Variants in ABCC5 observed in about 807,000 individuals in gnomAD.
ABCC5 encodes the protein ATP-binding cassette sub-family C member 5.
Under a neutral mutation model 160.9 loss-of-function variants are expected in ABCC5, and 61 were observed. The ratio of observed to expected loss-of-function variants is 0.38; its 90% confidence interval spans 0.31 to 0.47. The LOEUF (loss-of-function observed/expected upper bound fraction) is 0.47, where lower values mean the gene tolerates loss of function less well. Among genes scored for constraint, ABCC5 ranks in the 20% least tolerant of loss-of-function variants. The pLI, the probability that ABCC5 is intolerant of heterozygous loss-of-function variation, is 0.99. For synonymous variants in ABCC5, 666 were observed against 700.6 expected (o/e 0.95, Z 0.78); for missense variants, 1,308 against 1,813.3 (o/e 0.72, Z 5.06).
intron 2 of ABCC5, among the ~76,000 whole-genome samples, chr3:183,998,724 AC>A (rs2108891967): frequency 1.3e-5 from 2 of 152,310 alleles, no homozygotes; most frequent in South Asian, 4.1e-4. Context: ...CCATAACTGT[AC>A]AAAATGATCC....
Position 183,951,988 on chromosome 3 carries a change from G to A in ABCC5, c.2683C>T (p.Arg895Ter). The A allele has an allele frequency of 6.2e-7, 1 of 1,611,682 alleles. No individual in the cohort carries two copies. The highest frequency in any genetic ancestry group is 8.5e-7 in the Non-Finnish European group (1 of 1,178,246). The change falls in exon 19 of 30, where the codon CGA (arginine) becomes TGA (stop). Residue 895 changes from arginine (R) to a stop codon, truncating the protein, a stop_gained. Coordinates refer to ENST00000334444, the MANE Select transcript of ABCC5 (RefSeq NM_005688.4). LOFTEE classifies it high-confidence loss of function. This position sits in a 1 kb window ranked among gnomAD's most constrained non-coding sequence, Gnocchi z 4.7. ...KQGSGNTTVT[R>*]GNETSVSDSM... The stretch of plus-strand genomic sequence containing the variant: ...TCACTCACCGAGGTCTCGTTCCCTC[G>A]AGTCACAGTGGTGTTCTGTTTGAAG...
At chr3:183,960,235 T>C (rs1025666233) in intron 16 of ABCC5, among the ~76,000 whole-genome samples, 4 of 152,220 alleles carry the variant, frequency 2.6e-5, no homozygotes, top group African/African-American at 4.8e-5. Flanking sequence ...CCTGGTTCTG[T>C]AGGACCTCCA....
intron 2 of ABCC5, among the ~76,000 whole-genome samples, chr3:183,995,435 C>T (rs530488837): frequency 1.3e-4 from 20 of 152,116 alleles, no homozygotes; most frequent in Non-Finnish European, 2.4e-4. Context: ...ATATTTAAAT[C>T]TATGGTTCAT....
intron 28 of ABCC5, 28 bp from the exon 29 acceptor site, chr3:183,925,747 C>T (rs753788330): frequency 1.9e-6 from 3 of 1,603,504 alleles, no homozygotes; most frequent in Admixed American, 1.8e-5. Context: ...GAGAAAGAAA[C>T]TCGATTAAAT....
chr3:183,985,799 C>A, intron 5 of ABCC5: 1 of 221,588 alleles, frequency 4.5e-6, no homozygotes, highest in Non-Finnish European at 9.2e-6. Context: ...TCCCCACCGG[C>A]GTCACCAAAA....
At position 183,953,188 on chromosome 3, in the gene ABCC5, G is replaced by GCCC; in HGVS notation, c.2562_2564dup (p.Gly855dup). 1 of 1,614,082 alleles carries GCCC rather than the reference G, an allele frequency of 6.2e-7. No individual in the cohort carries two copies. Among genetic ancestry groups the GCCC allele is most frequent in the Non-Finnish European group, 8.5e-7 (1 of 1,179,998 alleles). ...CCATAATAACCAGGAATGCCAAGGGGCCCCCAGCAGCCTGGATGTAGACAC... is the reference window on the plus strand; with the variant it reads ...CCATAATAACCAGGAATGCCAAGGGGCCCCCCCCAGCAGCCTGGATGTAGACAC... On this transcript the variant is annotated inframe_insertion, in exon 18 of 30. Transcript: ENST00000334444.
rs116057741 is a variant in ABCC5 at position 183,970,125 on chromosome 3, C to T, written c.1761+1438G>A. ...TGCTGTGAATCCTCCAAAGGCTCCT[C>T]TTCCCACTTGGAGTAAAGCTGAAGT... On this transcript the variant is annotated intron_variant, in intron 11 of 29. Transcript: ENST00000334444. Among the ~76,000 whole-genome samples, 728 of 152,306 alleles carry T rather than the reference C, an allele frequency of 4.8e-3. 7 individuals are homozygous for T. The highest frequency in any genetic ancestry group is 0.016 in the African/African-American group (674 of 41,570).
At chr3:184,000,464 A>G (rs905322175) in intron 2 of ABCC5, among the ~76,000 whole-genome samples, 1 of 152,204 alleles carries the variant, frequency 6.6e-6, no homozygotes, top group Non-Finnish European at 1.5e-5. Flanking sequence ...CATTCATTCA[A>G]CTAGTCCTTA....
chr3:183,931,162 G>A (rs1713142372), intron 26 of ABCC5, among the ~76,000 whole-genome samples: 1 of 152,066 alleles, frequency 6.6e-6, no homozygotes, highest in African/African-American at 2.4e-5. Flanking sequence ...GCAAAATATA[G>A]TATGTAATAT....
At position 183,988,023 on chromosome 3, in the gene ABCC5, C is replaced by G; in HGVS notation, c.444-106G>C. 8.1e-7 allele frequency: 1 copy of G among 1,228,440 alleles called. No individual in the cohort carries two copies. Among genetic ancestry groups the G allele is most frequent in the Non-Finnish European group, 1.2e-6 (1 of 867,364 alleles). The allele number at this position is 1,228,440 out of a possible 1,614,324, so 76.1% of individuals were successfully genotyped here. A position where few individuals can be genotyped will look rare whatever the true frequency, so the allele number is the denominator to read the frequency against. ...TCTCCAGGTTTTGCCACCACTCACA[C>G]AAGTCTCTCCTTTAAAATTATGTAC... On this transcript the variant is annotated intron_variant, in intron 4 of 29. Coordinates refer to ENST00000334444, the MANE Select transcript of ABCC5 (RefSeq NM_005688.4). This position sits in a 1 kb window ranked among gnomAD's most constrained non-coding sequence, Gnocchi z 4.4.
At chr3:183,992,680 T>C (rs955854606) in intron 2 of ABCC5, among the ~76,000 whole-genome samples, 1 of 151,782 alleles carries the variant, frequency 6.6e-6, no homozygotes, top group African/African-American at 2.4e-5. Flanking sequence ...TCCCAGCTAC[T>C]CGGGAGGCTG....
At chr3:183,976,469 G>T (rs1371512468) in intron 10 of ABCC5, among the ~76,000 whole-genome samples, 2 of 151,798 alleles carry the variant, frequency 1.3e-5, no homozygotes, top group African/African-American at 4.8e-5. Context: ...TGCCCAGGCT[G>T]GTCTTGAACT....
chr3:183,972,052 G>T, intron 10 of ABCC5, 133 bp from the exon 11 acceptor site: 1 of 1,543,754 alleles, frequency 6.5e-7, no homozygotes. Flanking sequence ...GCAAAAGGTA[G>T]CTCATTAGTG....
Position 183,987,709 on chromosome 3 carries a change from G to C in ABCC5, c.591+61C>G. On this transcript the variant is annotated intron_variant, in intron 5 of 29. Transcript: ENST00000334444. This position sits in a 1 kb window ranked among gnomAD's most constrained non-coding sequence, Gnocchi z 4.2. ...GCACAACCTCTGCAACAGAATAAGA[G>C]TGTTAGAGCTGGCCGTGGCCGGGCC... 6.2e-7 allele frequency: 1 copy of C among 1,608,062 alleles called. No individual in the cohort carries two copies. Among genetic ancestry groups the C allele is most frequent in the African/African-American group, 1.3e-5 (1 of 74,898 alleles).
intron 2 of ABCC5, among the ~76,000 whole-genome samples, chr3:183,995,262 C>T (rs1720172366): frequency 6.6e-6 from 1 of 152,044 alleles, no homozygotes; most frequent in Non-Finnish European, 1.5e-5. Context: ...CTAATTAGGG[C>T]CATTCATGCA....
At chr3:183,965,895 C>G (rs1717175531) in intron 12 of ABCC5, among the ~76,000 whole-genome samples, 1 of 152,086 alleles carries the variant, frequency 6.6e-6, no homozygotes, top group African/African-American at 2.4e-5. Flanking sequence ...AGGCAATTAC[C>G]TAGGATGCTG....
At chr3:183,999,940 G>A (rs1019147581) in intron 2 of ABCC5, among the ~76,000 whole-genome samples, 1 of 152,020 alleles carries the variant, frequency 6.6e-6, no homozygotes, top group Admixed American at 6.6e-5. Flanking sequence ...AGCTATGATG[G>A]GGGACAGCCT....
chr3:183,985,823 T>C (rs1285649584), intron 5 of ABCC5: 1 of 205,004 alleles, frequency 4.9e-6, no homozygotes, highest in African/African-American at 2.3e-5. Context: ...TGGATCATCT[T>C]GGTGTATAAA....
At chr3:183,941,312 T>C (rs1456375255) in intron 25 of ABCC5, among the ~76,000 whole-genome samples, 1 of 152,176 alleles carries the variant, frequency 6.6e-6, no homozygotes, top group Non-Finnish European at 1.5e-5. Context: ...TGGGGACGAA[T>C]GCAGCAGATG....
Sources: gnomAD v4.1 joint callset for allele counts (sites outside exome capture counted in the v4.1 genomes callset) on GRCh38, gnomAD v4.1.1 for gene constraint, Gnocchi (gnomAD v3.1) non-coding constraint, MANE v1.5 for transcripts, NCBI Gene and HGNC (gene_info 2026-07-23, HGNC 2026-07-21) for gene names.